Variants in PPP2R5D observed in about 807,000 individuals in gnomAD.
PPP2R5D encodes the protein serine/threonine-protein phosphatase 2A 56 kDa regulatory subunit delta isoform.
PPP2R5D carries 12 observed loss-of-function variants against 79.1 expected under a neutral mutation model. The observed-to-expected ratio is 0.15, with a 90% CI of 0.10 to 0.25. The LOEUF (loss-of-function observed/expected upper bound fraction) is 0.25. Among genes scored for constraint, PPP2R5D ranks in the 10% least tolerant of loss-of-function variants. The pLI is 1.00. For synonymous variants in PPP2R5D, 277 were observed against 286.6 expected, an observed-to-expected ratio of 0.97 and a Z score of 0.34; for missense variants, 419 against 760.2, an observed-to-expected ratio of 0.55 and a Z score of 5.28.
chr6:42,994,987 T>G (rs1261826254), intron 2 of PPP2R5D, among the ~76,000 whole-genome samples: 1 of 152,096 alleles, frequency 6.6e-6, no homozygotes, highest in Admixed American at 6.6e-5. Context: ...AGTCCTCTAC[T>G]TAAAAACCAT....
chr6:42,994,666 A>G (rs1037951893), intron 2 of PPP2R5D, among the ~76,000 whole-genome samples: 8 of 151,974 alleles, frequency 5.3e-5, no homozygotes, highest in Non-Finnish European at 5.9e-5. Flanking sequence ...TTAGCTGGGC[A>G]TGGTGGGGCA....
At chr6:42,991,983 T>TACAGGGTGGGTACCCCATACCCCATACC (rs1475039335) in intron 2 of PPP2R5D, among the ~76,000 whole-genome samples, 6 of 152,138 alleles carry the variant, frequency 3.9e-5, no homozygotes, top group African/African-American at 1.4e-4. Context: ...CCACGTCTGG[T>TACAGGGTGGGTACCCCATACCCCATACC]ATGGCAGGGG....
Position 43,011,622 on chromosome 6 carries a change from T to G in PPP2R5D, c.*336T>G. On this transcript the variant is annotated 3_prime_UTR_variant, in exon 16 of 16. Transcript: ENST00000485511. ...ACACAGGAATACATACGCTCCTCTA[T>G]TCTTCCCTTCATCCTCATTTGAACG... The G allele has an allele frequency of 3.1e-6, 1 of 317,950 alleles. No homozygotes were observed. The highest frequency in any genetic ancestry group is 5.9e-6 in the Non-Finnish European group (1 of 169,080). 19.7% of individuals were successfully genotyped at this position (317,950 alleles called of 1,614,324 possible).
chr6:43,000,380 G>A (rs1772097896), intron 2 of PPP2R5D, among the ~76,000 whole-genome samples: 1 of 151,530 alleles, frequency 6.6e-6, no homozygotes, highest in South Asian at 2.1e-4. Context: ...TGGGGCTACA[G>A]GCGTGCACCA....
intron 2 of PPP2R5D, among the ~76,000 whole-genome samples, chr6:42,993,402 C>T (rs1029293218): frequency 1.3e-5 from 2 of 152,006 alleles, no homozygotes; most frequent in South Asian, 2.1e-4. Context: ...ACCCAGGAGG[C>T]GGAGGTTGCA....
At chr6:42,988,296 G>T (rs1411544785) in intron 1 of PPP2R5D, among the ~76,000 whole-genome samples, 1 of 152,184 alleles carries the variant, frequency 6.6e-6, no homozygotes, top group East Asian at 1.9e-4. Context: ...CCTCATTAAA[G>T]GCTTGAATTT....
chr6:43,008,001 A>C lies in PPP2R5D; in HGVS notation c.793A>C (p.Ile265Leu), dbSNP rs957822115. 2.5e-6 allele frequency: 4 copies of C among 1,614,040 alleles called. No individual in the cohort carries two copies. The highest frequency in any genetic ancestry group is 2.5e-6 in the Non-Finnish European group (3 of 1,180,044). Residue 265 changes from isoleucine (I) to leucine (L), a missense_variant, in exon 7 of 16, where the codon ATC becomes CTC. By Grantham distance (5) the Ile-to-Leu change is conservative (BLOSUM62 2). Coordinates refer to ENST00000485511, the MANE Select transcript of PPP2R5D (RefSeq NM_006245.4). The surrounding 1 kb of genome is among the most constrained non-coding windows in gnomAD (Gnocchi z 4.2). ...CTTCCTCAAGACCATTTTGCATCGC[A>C]TCTATGGCAAGTTTTTGGGGCTCCG... Reference protein sequence around the residue: ...RDFLKTILHRIYGKFLGLRAY... With the variant: ...RDFLKTILHRLYGKFLGLRAY...
At chr6:43,004,746 A>C (rs1761970408) in intron 2 of PPP2R5D, among the ~76,000 whole-genome samples, 1 of 150,320 alleles carries the variant, frequency 6.7e-6, no homozygotes, top group Non-Finnish European at 1.5e-5. Context: ...TATGTATTAC[A>C]TAGTTTTCTT....
chr6:42,988,376 C>G (rs1180630100), intron 1 of PPP2R5D, among the ~76,000 whole-genome samples: 1 of 152,202 alleles, frequency 6.6e-6, no homozygotes. Flanking sequence ...GGGGAGCTTT[C>G]GGCTTCACTA....
In PPP2R5D at chr6:43,008,977, G is replaced by A; in HGVS notation, c.1081-80G>A. 1 of 1,511,194 alleles carries A rather than the reference G, an allele frequency of 6.6e-7. No individual in the cohort carries two copies. The highest frequency in any genetic ancestry group is 1.2e-5 in the South Asian group (1 of 81,882). The allele number at this position is 1,511,194 out of a possible 1,614,324, so 93.6% of individuals were successfully genotyped here. ...CCAAACTGTGCCCACCAGGGTGGGGGAGAGAGCAGGTAGGAAAACTTCCTG... is the reference window on the plus strand; with the variant it reads ...CCAAACTGTGCCCACCAGGGTGGGGAAGAGAGCAGGTAGGAAAACTTCCTG... On this transcript the variant is annotated intron_variant, in intron 10 of 15. Coordinates refer to ENST00000485511, the MANE Select transcript of PPP2R5D (RefSeq NM_006245.4). This position sits in a 1 kb window ranked among gnomAD's most constrained non-coding sequence, Gnocchi z 4.2.
chr6:43,011,151 G>C lies in PPP2R5D; in HGVS notation c.1674G>C (p.Met558Ile). The change falls in exon 16 of 16, where the codon ATG (methionine) becomes ATC (isoleucine). Residue 558 changes from methionine to isoleucine, a missense_variant and splice_region_variant. Around this residue, in one of 5 missense-constraint regions of PPP2R5D, gnomAD observed 84 missense variants for 105.4 expected, o/e 0.80. Transcript: ENST00000485511. ...ACCTTGTCCCTATTCACACACAGAT[G>C]CTAAAAGACATCAAGAAGGAGAAAG... Reference protein sequence around the residue: ...KRTVETEAVQMLKDIKKEKVL... With the variant: ...KRTVETEAVQILKDIKKEKVL... The C allele has an allele frequency of 6.2e-7, 1 of 1,614,122 alleles. No individual in the cohort carries two copies. Among genetic ancestry groups the C allele is most frequent in the South Asian group, 1.1e-5 (1 of 91,090 alleles).
At chr6:43,002,085 G>A (rs1772259242) in intron 2 of PPP2R5D, among the ~76,000 whole-genome samples, 1 of 151,926 alleles carries the variant, frequency 6.6e-6, no homozygotes, top group Non-Finnish European at 1.5e-5. Context: ...AATAAGTGGC[G>A]AGCCAGGATT....
chr6:43,012,156 T>TA lies in PPP2R5D; in HGVS notation c.*871dup. The TA allele has an allele frequency of 3.8e-6, 4 of 1,045,964 alleles. No homozygotes were observed. Among genetic ancestry groups the TA allele is most frequent in the Non-Finnish European group, 4.6e-6 (4 of 862,128 alleles). 64.8% of individuals were successfully genotyped at this position (1,045,964 alleles called of 1,614,324 possible). ...GCTGGGCAGGCCTTCTCTTGTCCCT[T>TA]ATAGGTACCTTGGAGGGGCCAGGGG... On this transcript the variant is annotated 3_prime_UTR_variant, in exon 16 of 16. Transcript: ENST00000485511.
At chr6:42,986,340 G>A (rs972422309) in intron 1 of PPP2R5D, among the ~76,000 whole-genome samples, 5 of 152,002 alleles carry the variant, frequency 3.3e-5, no homozygotes, top group African/African-American at 4.8e-5. Context: ...CCACCTGCTC[G>A]ATGACCCCAG....
intron 2 of PPP2R5D, among the ~76,000 whole-genome samples, chr6:42,995,557 CT>C (rs11309891): frequency 0.24 from 34,854 of 144,506 alleles, 5,683 homozygotes; most frequent in African/African-American, 0.47. Flanking sequence ...CATGTTTATT[CT>C]TTTTTTTTTT....
intron 2 of PPP2R5D, among the ~76,000 whole-genome samples, chr6:43,003,663 A>C (rs991781778): frequency 4.0e-5 from 6 of 151,662 alleles, no homozygotes; most frequent in Non-Finnish European, 8.8e-5. Context: ...GGTTCTGTGC[A>C]TGTGTTTTAA....
Position 42,984,711 on chromosome 6 carries a change from G to A in PPP2R5D, c.27+7G>A, listed in dbSNP as rs1261249655. 4 of 1,612,278 alleles carry A rather than the reference G, an allele frequency of 2.5e-6. No individual in the cohort carries two copies. The highest frequency in any genetic ancestry group is 3.4e-6 in the Non-Finnish European group (4 of 1,179,194). On this transcript the variant is annotated splice_region_variant and intron_variant, in intron 1 of 15. Transcript: ENST00000485511. ...TAAACTGAAAAAGGAGAAGGTGAGC[G>A]TGGCCCTTTTTCCCCCACCGCCGCC... is the stretch of plus-strand genomic sequence containing the variant.
In PPP2R5D at chr6:42,984,691, T is replaced by C; in HGVS notation, c.14T>C (p.Leu5Pro). 2 of 1,611,782 alleles carry C rather than the reference T, an allele frequency of 1.2e-6. No individual in the cohort carries two copies. Among genetic ancestry groups the C allele is most frequent in the Non-Finnish European group, 1.7e-6 (2 of 1,179,076 alleles). The change falls in exon 1 of 16, where the codon CTG becomes CCG. Residue 5 changes from leucine to proline, a missense_variant. By Grantham distance (98) the Leu-to-Pro change is moderately conservative (BLOSUM62 -3). Around this residue, in one of 5 missense-constraint regions of PPP2R5D, gnomAD observed 110 missense variants for 147.6 expected, o/e 0.75. Transcript: ENST00000485511. MPYK[L>P]KKEKEPPKVA... ...GGACGGGCCGAGATGCCCTATAAAC[T>C]GAAAAAGGAGAAGGTGAGCGTGGCC...
In PPP2R5D at chr6:43,012,093, C is replaced by T; in HGVS notation, c.*807C>T. The stretch of plus-strand genomic sequence containing the variant: ...GCAGGGAGCGGTGCCCCAAGCATGG[C>T]TCCTGCCAACACCTATTTATTTCCT... On this transcript the variant is annotated 3_prime_UTR_variant, in exon 16 of 16. Coordinates refer to ENST00000485511, the MANE Select transcript of PPP2R5D (RefSeq NM_006245.4). The T allele has an allele frequency of 3.4e-6, 2 of 593,712 alleles. No individual in the cohort carries two copies. Among genetic ancestry groups the T allele is most frequent in the Middle Eastern group, 8.3e-4 (1 of 1,210 alleles). The allele number at this position is 593,712 out of a possible 1,614,324, so 36.8% of individuals were successfully genotyped here. A position where few individuals can be genotyped will look rare whatever the true frequency, so the allele number is the denominator to read the frequency against.
Sources: gnomAD v4.1 joint callset for allele counts (sites outside exome capture counted in the v4.1 genomes callset) on GRCh38, gnomAD v4.1.1 for gene constraint, gnomAD v4.1.1 regional missense constraint, Gnocchi (gnomAD v3.1) non-coding constraint, MANE v1.5 for transcripts, NCBI Gene and HGNC (gene_info 2026-07-23, HGNC 2026-07-21) for gene names.